BTNL9: variants seen among roughly 807,000 people sequenced by gnomAD.
BTNL9 encodes the protein butyrophilin like 9, also known as butyrophilin-like protein 9.
A neutral mutation model predicts 45.8 loss-of-function variants in BTNL9; 45 were observed. That is an observed-to-expected ratio of 0.98 (90% CI 0.77 to 1.26). The LOEUF (loss-of-function observed/expected upper bound fraction) is 1.26. Ranked by LOEUF, BTNL9 falls within the 50% of genes most tolerant of loss-of-function variation. The pLI is 0.00. For synonymous variants in BTNL9, 346 were observed against 330.8 expected (o/e 1.05, Z -0.50); for missense variants, 784 against 729.7 (o/e 1.07, Z -0.86).
Position 181,050,434 on chromosome 5 carries a change from G to C in BTNL9, c.736+65G>C, listed in dbSNP as rs1353000900. On this transcript the variant is annotated intron_variant, in intron 4 of 10. Transcript: ENST00000327705. This position sits in a 1 kb window ranked among gnomAD's most constrained non-coding sequence, Gnocchi z 4.9. ...ATGTGTACATACACATTGGCCCAAA[G>C]GCAGTCTATAAAGACACAATGGTAC... 1 of 1,560,324 alleles carries C rather than the reference G, an allele frequency of 6.4e-7. No homozygotes were observed. Among genetic ancestry groups the C allele is most frequent in the Admixed American group, 1.7e-5 (1 of 57,604 alleles).
chr5:181,041,929 CTTTA>C (rs933761889), intron 1 of BTNL9, among the ~76,000 whole-genome samples: 41 of 152,174 alleles, frequency 2.7e-4, no homozygotes, highest in African/African-American at 9.4e-4. Context: ...CTTTAAAATT[CTTTA>C]TTTAACAATA....
Position 181,055,381 on chromosome 5 carries a change from A to C in BTNL9, c.908-52A>C. 6.2e-7 allele frequency: 1 copy of C among 1,613,774 alleles called. No homozygotes were observed. The highest frequency in any genetic ancestry group is 2.2e-5 in the East Asian group (1 of 44,868). ...CTTCCCAGTGGCCTGTCTTGGGAAG[A>C]TGGTTCCACCCACCTGCAGGCTGAA... On this transcript the variant is annotated intron_variant, in intron 7 of 10. Transcript: ENST00000327705. This position sits in a 1 kb window ranked among gnomAD's most constrained non-coding sequence, Gnocchi z 4.4.
Position 181,058,371 on chromosome 5 carries a change from A to C in BTNL9, c.975A>C (p.Lys325Asn), listed in dbSNP as rs1259526960. The change falls in exon 10 of 11, where the codon AAA (lysine) becomes AAC (asparagine). Residue 325 changes from lysine to asparagine, a missense_variant. Lys to Asn is a moderately conservative substitution (Grantham distance 94). Transcript: ENST00000327705. ...EGQAEWRAAQ[K>N]YAVDVTLDPA... Reference sequence around the variant, plus strand: ...TTTCAGAGTGGAGAGCAGCCCAAAAATATGCAGGTAACTGAAGCCAGGAAA... The same window carrying C: ...TTTCAGAGTGGAGAGCAGCCCAAAACTATGCAGGTAACTGAAGCCAGGAAA... 3 of 1,614,076 alleles carry C rather than the reference A, an allele frequency of 1.9e-6. No individual in the cohort carries two copies. The highest frequency in any genetic ancestry group is 2.2e-5 in the South Asian group (2 of 91,076).
chr5:181,040,967 G>T (rs1231898416), intron 1 of BTNL9, among the ~76,000 whole-genome samples: 1 of 152,198 alleles, frequency 6.6e-6, no homozygotes, highest in Admixed American at 6.5e-5. Context: ...TATACTTCAG[G>T]GATAATTTCT....
chr5:181,045,832 A>C (rs1761094150), intron 2 of BTNL9, among the ~76,000 whole-genome samples: 1 of 124,174 alleles, frequency 8.1e-6, no homozygotes, highest in Non-Finnish European at 1.7e-5. Flanking sequence ...TCCAGCCCTC[A>C]ACACCTCCTC....
Position 181,053,326 on chromosome 5 carries a change from C to T in BTNL9, c.853+10C>T, listed in dbSNP as rs138850635. The T allele has an allele frequency of 1.9e-3, 2,864 of 1,541,732 alleles. 7 individuals are homozygous for T. Among genetic ancestry groups the T allele is most frequent in the Middle Eastern group, 3.9e-3 (21 of 5,418 alleles). ...CAGCGGAGAAGCCGAGGTACCGGCG[C>T]GGGCGGCGGGGCGGGGAGGGGCACC... On this transcript the variant is annotated intron_variant, in intron 5 of 10. Transcript: ENST00000327705. The surrounding 1 kb of genome is among the most constrained non-coding windows in gnomAD (Gnocchi z 6.5).
At chr5:181,054,449 C>T (rs1012918454) in intron 7 of BTNL9, 190 bp downstream of exon 7, 2 of 985,290 alleles carry the variant, frequency 2.0e-6, no homozygotes, top group African/African-American at 3.5e-5. Flanking sequence ...CTGCCCGAGA[C>T]CCTCTGCACA....
In BTNL9 at chr5:181,059,795, A is replaced by T; in HGVS notation, c.1541A>T (p.Glu514Val). 6.2e-7 allele frequency: 1 copy of T among 1,604,432 alleles called. No individual in the cohort carries two copies. Among genetic ancestry groups the T allele is most frequent in the African/African-American group, 1.3e-5 (1 of 74,982 alleles). The change falls in exon 11 of 11, where the codon GAA becomes GTA. Residue 514 changes from glutamate (E) to valine (V), a missense_variant. Glu to Val is a moderately radical substitution (Grantham distance 121). Transcript: ENST00000327705. ...CCGGTTAGAGGGACGGGCGTCCCCG[A>T]AGAGAACGACAGTGACACCTGGCTA... ...PLPVRGTGVPEENDSDTWLQP... is the reference protein window; with the variant it reads ...PLPVRGTGVPVENDSDTWLQP...
intron 6 of BTNL9, 47 bp from the exon 7 acceptor site, chr5:181,054,192 G>T: frequency 6.2e-7 from 1 of 1,612,560 alleles, no homozygotes. Context: ...TCCCCAACCT[G>T]AGAGTCTTTC....
chr5:181,054,299 C>T (rs754923625), intron 7 of BTNL9, 40 bp downstream of exon 7: 1 of 1,602,830 alleles, frequency 6.2e-7, no homozygotes, highest in South Asian at 1.1e-5. Flanking sequence ...GCCTGTCAGC[C>T]GGACCCTGTG....
Position 181,056,019 on chromosome 5 carries a change from A to G in BTNL9, c.955+4A>G, listed in dbSNP as rs1199869176. 1.2e-6 allele frequency: 2 copies of G among 1,613,968 alleles called. No individual in the cohort carries two copies. The highest frequency in any genetic ancestry group is 2.2e-5 in the East Asian group (1 of 44,884). ...AGACGGGCTGAAGGCCAGGCTGGTG[A>G]GTGGAACCCATCTCTCTCTGACTCC... On this transcript the variant is annotated splice_donor_region_variant and intron_variant, in intron 9 of 10. Transcript: ENST00000327705.
At chr5:181,049,388 A>G (rs1337954530) in intron 3 of BTNL9, among the ~76,000 whole-genome samples, 1 of 152,248 alleles carries the variant, frequency 6.6e-6, no homozygotes, top group Non-Finnish European at 1.5e-5. Flanking sequence ...ATCTGAAACA[A>G]TGATGAGGTG....
At position 181,059,766 on chromosome 5, in the gene BTNL9, G is replaced by T; in HGVS notation, c.1512G>T (p.Pro504=). 2 of 1,611,210 alleles carry T rather than the reference G, an allele frequency of 1.2e-6. No homozygotes were observed. Among genetic ancestry groups the T allele is most frequent in the African/African-American group, 1.3e-5 (1 of 75,030 alleles). ...GEHPDPLTIC[P]LPVRGTGVPE... is the part of the protein sequence containing the mutation. ...ATCCGGATCCCCTGACCATCTGCCC[G>T]CTGCCGGTTAGAGGGACGGGCGTCC... is the stretch of plus-strand genomic sequence containing the variant. The change falls in exon 11 of 11, where the codon CCG becomes CCT. Residue 504 remains proline, a synonymous_variant. Coordinates refer to ENST00000327705, the MANE Select transcript of BTNL9 (RefSeq NM_152547.5).
At chr5:181,058,690 C>T (rs1359747020) in intron 10 of BTNL9, among the ~76,000 whole-genome samples, 1 of 151,876 alleles carries the variant, frequency 6.6e-6, no homozygotes, top group Non-Finnish European at 1.5e-5. Flanking sequence ...GATTCTCTGA[C>T]GAAGGGGTCC....
chr5:181,054,750 TG>T (rs1183218102), intron 7 of BTNL9: 6 of 984,008 alleles, frequency 6.1e-6, no homozygotes, highest in African/African-American at 3.5e-5. Context: ...GTGTTGGGGT[TG>T]GGGGGGCAAT....
rs1761294762 is a variant in BTNL9, at chr5:181,048,234, C to T, written c.417C>T (p.Asn139=). Residue 139 remains asparagine, a synonymous_variant, in exon 3 of 11, where the codon AAC becomes AAT. Transcript: ENST00000327705. ...GTYGCRFHSD[N]FSGEALWELE... ...ATGGCTGCCGCTTCCACTCCGACAA[C>T]TTCTCTGGCGAAGCTCTCTGGGAAC... is the stretch of plus-strand genomic sequence containing the variant. 1.9e-6 allele frequency: 3 copies of T among 1,612,318 alleles called. No individual in the cohort carries two copies. The highest frequency in any genetic ancestry group is 2.5e-6 in the Non-Finnish European group (3 of 1,179,188).
chr5:181,049,857 C>T (rs887102743), intron 3 of BTNL9, among the ~76,000 whole-genome samples: 4 of 152,340 alleles, frequency 2.6e-5, no homozygotes, highest in Non-Finnish European at 4.4e-5. Context: ...CCAATGACCC[C>T]CTTCACATTT....
Position 181,055,050 on chromosome 5 carries a change from C to T in BTNL9, c.908-383C>T, listed in dbSNP as rs1269256454. ...CTTCCAGTCCTTCAGATAACGCACC[C>T]GGTGAGTGACCGTGAGGCTCACGTA... On this transcript the variant is annotated intron_variant, in intron 7 of 10. Transcript: ENST00000327705. This position sits in a 1 kb window ranked among gnomAD's most constrained non-coding sequence, Gnocchi z 4.4. The T allele has an allele frequency of 6.0e-5, 59 of 985,320 alleles. No individual in the cohort carries two copies. Among genetic ancestry groups the T allele is most frequent in the Non-Finnish European group, 6.3e-5 (52 of 829,942 alleles). 61.0% of individuals were successfully genotyped at this position (985,320 alleles called of 1,614,324 possible). A position where few individuals can be genotyped will look rare whatever the true frequency, so the allele number is the denominator to read the frequency against.
Position 181,042,943 on chromosome 5 carries a change from A to G in BTNL9, c.-24+2511A>G, listed in dbSNP as rs1582110558. ...ACCCAGACACACGACGTAGCTGGTG[A>G]GGAATCTGAATTCGAGAAGTGCAGA... On this transcript the variant is annotated intron_variant, in intron 1 of 10. Transcript: ENST00000327705. This position sits in a 1 kb window ranked among gnomAD's most constrained non-coding sequence, Gnocchi z 4.5. Among the ~76,000 whole-genome samples the G allele has an allele frequency of 6.6e-6, 1 of 152,216 alleles. No individual in the cohort carries two copies. The highest frequency in any genetic ancestry group is 2.4e-5 in the African/African-American group (1 of 41,526).
Sources: gnomAD v4.1 joint callset for allele counts (sites outside exome capture counted in the v4.1 genomes callset) on GRCh38, gnomAD v4.1.1 for gene constraint, Gnocchi (gnomAD v3.1) non-coding constraint, MANE v1.5 for transcripts, NCBI Gene and HGNC (gene_info 2026-07-23, HGNC 2026-07-21) for gene names.